The following PTPN21 variants were observed in gnomAD, a reference collection of about 807,000 sequenced individuals.
The protein encoded by PTPN21 is protein tyrosine phosphatase non-receptor type 21, also known as tyrosine-protein phosphatase non-receptor type 21.
PTPN21 carries 77 observed loss-of-function variants against 131.8 expected under a neutral mutation model. That is an observed-to-expected ratio of 0.58 (90% CI 0.49 to 0.71). PTPN21 has a LOEUF of 0.71. Ranked by LOEUF, PTPN21 falls within the 30% of genes least tolerant of loss-of-function variation. PTPN21 has a pLI of 0.00. For missense variants in PTPN21, 1,552 were observed against 1,527.1 expected, an observed-to-expected ratio of 1.02 and a Z score of -0.27; for synonymous variants, 715 against 621.3, an observed-to-expected ratio of 1.15 and a Z score of -2.24.
chr14:88,488,871 C>A (rs945941620), intron 10 of PTPN21, among the ~76,000 whole-genome samples: 1 of 152,030 alleles, frequency 6.6e-6, no homozygotes, highest in African/African-American at 2.4e-5. Flanking sequence ...CAAGTAAAAT[C>A]AATATTATTT....
intron 18 of PTPN21, 104 bp downstream of exon 18, chr14:88,468,812 A>C: frequency 7.0e-7 from 1 of 1,437,610 alleles, no homozygotes; most frequent in Non-Finnish European, 9.7e-7. Flanking sequence ...AGGCCACCAC[A>C]GTCCAAGGAA....
At chr14:88,511,322 T>TAAG (rs1171521558) in intron 3 of PTPN21, among the ~76,000 whole-genome samples, 2 of 152,196 alleles carry the variant, frequency 1.3e-5, no homozygotes, top group East Asian at 3.8e-4. Context: ...AAAAACCTTT[T>TAAG]TGCTAAAATT....
intron 6 of PTPN21, among the ~76,000 whole-genome samples, chr14:88,503,453 G>A (rs945769811): frequency 2.0e-5 from 3 of 152,128 alleles, no homozygotes; most frequent in African/African-American, 4.8e-5. Context: ...CTCAACTTAC[G>A]ATGATGGTTC....
chr14:88,478,816 T>C (rs1258238038), intron 13 of PTPN21, 104 bp downstream of exon 13: 3 of 691,324 alleles, frequency 4.3e-6, no homozygotes, highest in South Asian at 4.3e-5. Flanking sequence ...TGAAGAACGT[T>C]AAAAGAACAA....
intron 2 of PTPN21, among the ~76,000 whole-genome samples, chr14:88,531,110 A>G (rs2139339309): frequency 6.6e-6 from 1 of 152,378 alleles, no homozygotes; most frequent in South Asian, 2.1e-4. Flanking sequence ...ACAATGGAAT[A>G]AAACTGGAAA....
At chr14:88,502,121 G>A (rs1398354409) in intron 6 of PTPN21, among the ~76,000 whole-genome samples, 1 of 152,148 alleles carries the variant, frequency 6.6e-6, no homozygotes, top group African/African-American at 2.4e-5. Flanking sequence ...GGATGGGTAG[G>A]AAGGCAGTGT....
intron 7 of PTPN21, 81 bp downstream of exon 7, chr14:88,501,200 G>T: frequency 7.8e-7 from 1 of 1,275,616 alleles, no homozygotes; most frequent in Non-Finnish European, 1.1e-6. Flanking sequence ...TTGCACATAA[G>T]GACATCCTTG....
chr14:88,545,086 C>T (rs573417745), intron 2 of PTPN21, among the ~76,000 whole-genome samples: 2 of 152,224 alleles, frequency 1.3e-5, no homozygotes, highest in East Asian at 1.9e-4. Flanking sequence ...CTGCCCACCT[C>T]GGCCTCCCAA....
intron 14 of PTPN21, among the ~76,000 whole-genome samples, chr14:88,473,141 C>G (rs1595341561): frequency 6.6e-6 from 1 of 151,870 alleles, no homozygotes; most frequent in African/African-American, 2.4e-5. Flanking sequence ...TTATGTCATA[C>G]GATATATAAA....
chr14:88,509,308 A>C (rs1393886467), intron 3 of PTPN21, among the ~76,000 whole-genome samples: 1 of 152,190 alleles, frequency 6.6e-6, no homozygotes, highest in Non-Finnish European at 1.5e-5. Flanking sequence ...AGCCATCTGG[A>C]ATCCAAACTG....
At position 88,549,984 on chromosome 14, in the gene PTPN21, C is replaced by A. The variant is rs1365530611; in HGVS notation, c.180+254G>T. On this transcript the variant is annotated intron_variant, in intron 2 of 18. Transcript: ENST00000556564. ...TATTTTTAGTAGACATGGGGTTTCA[C>A]CATATTGGCCAGGCTGGTCTCGAAC... is the stretch of plus-strand genomic sequence containing the variant. 3.9e-5 allele frequency among the ~76,000 whole-genome samples: 6 copies of A among 152,228 alleles called. No homozygotes were observed. The East Asian group carries it at 5.8e-4, about 15-fold the overall frequency.
chr14:88,516,927 A>G lies in PTPN21; in HGVS notation c.350+165T>C, dbSNP rs1364778544. On this transcript the variant is annotated intron_variant, in intron 3 of 18. Transcript: ENST00000556564. Reference sequence around the variant, plus strand: ...CCCATAAGTTACCCAACATGCAGTAAAACACTCTGACATGCCACATATGAG... The same window carrying G: ...CCCATAAGTTACCCAACATGCAGTAGAACACTCTGACATGCCACATATGAG... Among the ~76,000 whole-genome samples the G allele has an allele frequency of 2.0e-5, 3 of 152,152 alleles. No homozygotes were observed. In the East Asian group the frequency reaches 5.8e-4, roughly 29 times the overall value.
At chr14:88,470,136 A>C in intron 15 of PTPN21, 86 bp from the exon 16 acceptor site, 1 of 1,408,032 alleles carries the variant, frequency 7.1e-7, no homozygotes, top group Non-Finnish European at 9.7e-7. Context: ...GTACTAAAAA[A>C]GTTTTTTTAA....
At position 88,479,495 on chromosome 14, in the gene PTPN21, C is replaced by G. The variant is rs576261282; in HGVS notation, c.1936G>C (p.Gly646Arg). ...TCCTTGAGCCGCAGGCCCTCCAGGC[C>G]GTGGCTGAGCCCGGCCACCTCGATG... ...NSIEVAGLSH[G>R]LEGLRLKERT... The change falls in exon 13 of 19, where the codon GGC becomes CGC. Residue 646 changes from glycine (G) to arginine (R), a missense_variant. Around this residue, in one of 4 missense-constraint regions of PTPN21, gnomAD observed 1,016 missense variants for 883.5 expected, o/e 1.15. Coordinates refer to ENST00000556564, the MANE Select transcript of PTPN21 (RefSeq NM_007039.4). 1.1e-5 allele frequency: 18 copies of G among 1,601,398 alleles called. No homozygotes were observed. Among genetic ancestry groups the G allele is most frequent in the Non-Finnish European group, 1.5e-5 (18 of 1,179,194 alleles).
chr14:88,525,893 G>A (rs2078467267), intron 2 of PTPN21, among the ~76,000 whole-genome samples: 1 of 152,226 alleles, frequency 6.6e-6, no homozygotes, highest in Non-Finnish European at 1.5e-5. Context: ...ACTGGTTCAT[G>A]CCACAATGTG....
intron 15 of PTPN21, among the ~76,000 whole-genome samples, chr14:88,471,471 T>C (rs1379135235): frequency 2.0e-5 from 3 of 152,078 alleles, no homozygotes; most frequent in South Asian, 2.1e-4. Flanking sequence ...GCCTCTTAAA[T>C]ACATGGGACT....
At position 88,485,139 on chromosome 14, in the gene PTPN21, T is replaced by C; in HGVS notation, c.1015A>G (p.Met339Val). The change falls in exon 12 of 19, where the codon ATG (methionine) becomes GTG (valine). Residue 339 changes from methionine (M) to valine (V), a missense_variant. Physicochemically the swap from Met to Val is conservative, Grantham distance 21 (BLOSUM62 1). This residue lies in a region of PTPN21 where 1,016 missense variants were observed against 883.5 expected (regional missense o/e 1.15). Coordinates refer to ENST00000556564, the MANE Select transcript of PTPN21 (RefSeq NM_007039.4). ...MSLPKPQPYV[M>V]PPPPQLHYNG... ...TAGTGCAACTGCGGTGGGGGAGGCA[T>C]CACGTAGGGCTGGGGTTTAGGCTAA... is the stretch of plus-strand genomic sequence containing the variant. 6.2e-7 allele frequency: 1 copy of C among 1,605,064 alleles called. No individual in the cohort carries two copies. The highest frequency in any genetic ancestry group is 8.5e-7 in the Non-Finnish European group (1 of 1,173,670).
intron 6 of PTPN21, 128 bp downstream of exon 6, chr14:88,504,297 G>A (rs1159872108): frequency 2.8e-6 from 2 of 710,776 alleles, no homozygotes; most frequent in Admixed American, 4.6e-5. Context: ...AATAGTAGTG[G>A]CAGTAATGTT....
At chr14:88,510,914 GA>G (rs1003261509) in intron 3 of PTPN21, among the ~76,000 whole-genome samples, 26 of 134,746 alleles carry the variant, frequency 1.9e-4, no homozygotes, top group Non-Finnish European at 3.0e-4. Flanking sequence ...CAGACAGATA[GA>G]TTTTTTTTTT....
Sources: allele counts gnomAD v4.1 joint callset (sites outside exome capture counted in the v4.1 genomes callset), GRCh38; gene constraint gnomAD v4.1.1; regional missense constraint gnomAD v4.1.1; transcripts MANE v1.5; gene names NCBI Gene and HGNC (gene_info 2026-07-23, HGNC 2026-07-21).